NPIPB2: variants seen among roughly 807,000 people sequenced by gnomAD.
NPIPB2 encodes the protein nuclear pore complex-interacting protein family member B2.
In NPIPB2, 27 loss-of-function variants were observed where a neutral mutation model predicts 30.8. That is an observed-to-expected ratio of 0.88 (90% CI 0.65 to 1.21). NPIPB2 has a LOEUF of 1.21. Among genes scored for constraint, NPIPB2 ranks in the 50% most tolerant of loss-of-function variants. The probability of loss-of-function intolerance (pLI) is 0.00; values close to 1 mark genes in which losing one functional copy is unlikely to be tolerated. For missense variants in NPIPB2, 440 were observed against 446.2 expected, an observed-to-expected ratio of 0.99 and a Z score of 0.13; for synonymous variants, 147 against 162.0, an observed-to-expected ratio of 0.91 and a Z score of 0.70.
At chr16:11,948,782 A>AG (rs1490874533) in intron 1 of NPIPB2, among the ~76,000 whole-genome samples, 6 of 149,874 alleles carry the variant, frequency 4.0e-5, no homozygotes, top group Admixed American at 6.7e-5. Flanking sequence ...AAAAAAAAAA[A>AG]AAAAAAAAAA....
At chr16:11,952,786 G>A (rs1255455898) in intron 1 of NPIPB2, among the ~76,000 whole-genome samples, 4 of 151,870 alleles carry the variant, frequency 2.6e-5, no homozygotes, top group African/African-American at 7.3e-5. Context: ...GGCTGGTCTC[G>A]AATGCCTGAC....
At chr16:11,975,890 G>A (rs1317962526) in intron 1 of NPIPB2, among the ~76,000 whole-genome samples, 1 of 151,734 alleles carries the variant, frequency 6.6e-6, no homozygotes, top group South Asian at 2.1e-4. Context: ...CACCGCGTCC[G>A]GCCTAGGAGC....
intron 1 of NPIPB2, among the ~76,000 whole-genome samples, chr16:11,970,612 T>C (rs2055229940): frequency 1.3e-5 from 2 of 152,106 alleles, no homozygotes; most frequent in Admixed American, 1.3e-4. Context: ...CTTGGCTCAC[T>C]GCAACCTCCA....
intron 2 of NPIPB2, among the ~76,000 whole-genome samples, chr16:11,936,816 G>C (rs2054873795): frequency 6.9e-6 from 1 of 144,808 alleles, no homozygotes; most frequent in Non-Finnish European, 1.5e-5. Context: ...TTCTCTTGGA[G>C]GGCAGTTCTA....
chr16:11,948,583 G>A (rs1299575842), intron 1 of NPIPB2, among the ~76,000 whole-genome samples: 2 of 151,598 alleles, frequency 1.3e-5, no homozygotes, highest in Non-Finnish European at 2.9e-5. Context: ...CGGCTAAAAC[G>A]GTGAAACCCC....
rs1214348316 is a variant in NPIPB2, at chr16:11,951,625, TACACACAC to T, written c.-583-9519_-583-9512del. Among the ~76,000 whole-genome samples, 910 of 95,886 alleles carry T rather than the reference TACACACAC, an allele frequency of 9.5e-3. 8 individuals are homozygous for T. Among genetic ancestry groups the T allele is most frequent in the South Asian group, 0.017 (40 of 2,328 alleles). The allele number at this position is 95,886 out of a possible 152,430, so 62.9% of individuals were successfully genotyped here. Reference sequence around the variant, plus strand: ...TACAGATGGACACTGCACATACACATACACACACACACACACACACACACACACACACA... The same window carrying T: ...TACAGATGGACACTGCACATACACATACACACACACACACACACACACACA... On this transcript the variant is annotated intron_variant, in intron 1 of 5. Coordinates refer to the NPIPB2 transcript ENST00000538896.
chr16:11,966,219 C>T lies in NPIPB2; in HGVS notation c.-584+10349G>A, dbSNP rs140266790. 227 of 1,613,508 alleles carry T rather than the reference C, an allele frequency of 1.4e-4. 1 individual carries two copies. The African/African-American group carries it at 1.8e-3, about 13-fold the overall frequency. On this transcript the variant is annotated intron_variant, in intron 1 of 5. Coordinates refer to the NPIPB2 transcript ENST00000538896. ...GGTGTGACCAATTCAGTGAAAGGAA[C>T]GAATGCGATTCTCTGGACCTGTTTG...
chr16:11,945,690 A>G (rs1567471330), upstream of NPIPB2, among the ~76,000 whole-genome samples: 1 of 151,918 alleles, frequency 6.6e-6, no homozygotes, highest in Non-Finnish European at 1.5e-5. Flanking sequence ...AAAAAAAACA[A>G]AAACAAAAAC....
chr16:11,975,442 C>A (rs543865653), intron 1 of NPIPB2, among the ~76,000 whole-genome samples: 1 of 151,998 alleles, frequency 6.6e-6, no homozygotes. Flanking sequence ...CCACCGCGCC[C>A]GGCCAATCCA....
At chr16:11,930,694 C>G in intron 4 of NPIPB2, 143 bp from the exon 5 acceptor site, 2 of 1,219,982 alleles carry the variant, frequency 1.6e-6, no homozygotes, top group Non-Finnish European at 1.1e-6. Context: ...TTCTCACAAC[C>G]GAAGGGAGAA....
intron 1 of NPIPB2, among the ~76,000 whole-genome samples, chr16:11,963,719 G>T (rs902746376): frequency 6.6e-6 from 1 of 151,976 alleles, no homozygotes; most frequent in African/African-American, 2.4e-5. Flanking sequence ...GTCTCTATAT[G>T]GGTATTTCAC....
chr16:11,955,357 A>C (rs1185942851), intron 1 of NPIPB2, among the ~76,000 whole-genome samples: 1 of 150,606 alleles, frequency 6.6e-6, no homozygotes, highest in African/African-American at 2.4e-5. Flanking sequence ...CTGTGTCAAA[A>C]AAAAAAAAAA....
intron 1 of NPIPB2, among the ~76,000 whole-genome samples, chr16:11,970,320 C>A (rs929599372): frequency 6.6e-6 from 1 of 152,124 alleles, no homozygotes; most frequent in African/African-American, 2.4e-5. Context: ...TCAAACAATT[C>A]CCCTGTCTCA....
At chr16:11,968,297 T>G (rs1446096841) in intron 1 of NPIPB2, among the ~76,000 whole-genome samples, 1 of 152,014 alleles carries the variant, frequency 6.6e-6, no homozygotes, top group Non-Finnish European at 1.5e-5. Context: ...GCCAACATGG[T>G]GAAACCCTGT....
chr16:11,927,377 G>T (rs2150904314), exon 8 of NPIPB2: 2 of 894,866 alleles, frequency 2.2e-6, no homozygotes, highest in Non-Finnish European at 1.8e-6. Flanking sequence ...TATTGCTCAG[G>T]CTTGAGTGCA....
At chr16:11,953,866 G>A (rs565705394) in intron 1 of NPIPB2, among the ~76,000 whole-genome samples, 7 of 151,512 alleles carry the variant, frequency 4.6e-5, no homozygotes, top group Non-Finnish European at 1.0e-4. Context: ...AGTAGAGACG[G>A]GATTTCACCA....
At chr16:11,962,436 A>C (rs1033807219) in intron 1 of NPIPB2, among the ~76,000 whole-genome samples, 10 of 151,518 alleles carry the variant, frequency 6.6e-5, no homozygotes, top group Admixed American at 6.6e-5. Context: ...GTGAAACCCC[A>C]TCTCTACTAA....
chr16:11,942,102 T>A, upstream of NPIPB2: 2 of 1,531,838 alleles, frequency 1.3e-6, no homozygotes, highest in Non-Finnish European at 1.7e-6. Flanking sequence ...CATGTAGCCA[T>A]CTGTCCATCA....
chr16:11,961,412 A>T (rs1000733369), intron 1 of NPIPB2, among the ~76,000 whole-genome samples: 15 of 142,616 alleles, frequency 1.1e-4, no homozygotes, highest in Non-Finnish European at 1.8e-4. Flanking sequence ...TCCTGCATTT[A>T]AAAAAAAAAG....
Sources: gnomAD v4.1 joint callset for allele counts (sites outside exome capture counted in the v4.1 genomes callset) on GRCh38, gnomAD v4.1.1 for gene constraint, MANE v1.5 for transcripts, NCBI Gene and HGNC (gene_info 2026-07-23, HGNC 2026-07-21) for gene names.